The following ROBO1 variants were observed in gnomAD, a reference collection of about 807,000 sequenced individuals.
The protein encoded by ROBO1 is roundabout homolog 1.
Under a neutral mutation model 195.9 loss-of-function variants are expected in ROBO1, and 149 were observed. The ratio of observed to expected loss-of-function variants is 0.76; its 90% CI spans 0.67 to 0.87. The LOEUF is 0.87. Among genes scored for constraint, ROBO1 ranks in the 40% least tolerant of loss-of-function variants. ROBO1 has a pLI of 0.00. For missense variants in ROBO1, 1,933 were observed against 2,068.3 expected (o/e 0.93, Z 1.27); for synonymous variants, 816 against 733.2 (o/e 1.11, Z -1.82).
In ROBO1 at chr3:79,359,302, GA is replaced by G. The variant is rs796388707; in HGVS notation, c.88+230521del. Reference sequence around the variant, plus strand: ...ACCTCACTCTTATAATTTATAAAGTGAAAAAAAAAGCCTTTCTACTTTCTTT... The same window carrying G: ...ACCTCACTCTTATAATTTATAAAGTGAAAAAAAAGCCTTTCTACTTTCTTT... On this transcript the variant is annotated intron_variant, in intron 2 of 30. Transcript: ENST00000464233. Among the ~76,000 whole-genome samples, 379 of 148,332 alleles carry G rather than the reference GA, an allele frequency of 2.6e-3. 2 individuals carry two copies. The highest frequency in any genetic ancestry group is 7.8e-3 in the African/African-American group (316 of 40,540).
intron 3 of ROBO1, among the ~76,000 whole-genome samples, chr3:78,940,979 T>G (rs910896156): frequency 6.6e-6 from 1 of 152,158 alleles, no homozygotes; most frequent in African/African-American, 2.4e-5. Flanking sequence ...AAATATGTTA[T>G]TTTTCAAAGT....
intron 3 of ROBO1, among the ~76,000 whole-genome samples, chr3:78,962,641 C>T (rs1238030486): frequency 2.0e-5 from 3 of 151,638 alleles, no homozygotes; most frequent in Non-Finnish European, 4.4e-5. Flanking sequence ...CTGGCTAACA[C>T]GGTGAAACCC....
intron 3 of ROBO1, among the ~76,000 whole-genome samples, chr3:78,972,416 T>C (rs1158899094): frequency 6.6e-6 from 1 of 152,190 alleles, no homozygotes. Context: ...GCTCTAGAAT[T>C]TTTCATTTTG....
intron 26 of ROBO1, among the ~76,000 whole-genome samples, chr3:78,619,982 C>T (rs923312904): frequency 2.0e-5 from 3 of 148,220 alleles, no homozygotes; most frequent in African/African-American, 7.5e-5. Flanking sequence ...CAAACCATTG[C>T]ACTCTAGCCT....
At chr3:78,696,125 G>GAA (rs34340807) in intron 8 of ROBO1, among the ~76,000 whole-genome samples, 3 of 108,704 alleles carry the variant, frequency 2.8e-5, no homozygotes, top group Non-Finnish European at 6.0e-5. Flanking sequence ...GAAAGAATCA[G>GAA]AAAAAAAAAA....
chr3:79,039,661 G>A (rs2078445882), intron 3 of ROBO1, among the ~76,000 whole-genome samples: 2 of 151,900 alleles, frequency 1.3e-5, no homozygotes, highest in Admixed American at 1.3e-4. Context: ...TGGACATGGT[G>A]GCACATGCCT....
intron 1 of ROBO1, among the ~76,000 whole-genome samples, chr3:79,755,338 C>A (rs1217779404): frequency 2.0e-5 from 3 of 152,010 alleles, no homozygotes; most frequent in African/African-American, 7.3e-5. Flanking sequence ...AATTTAATTC[C>A]ATGGAAACCC....
chr3:79,342,910 G>T (rs1490556953), intron 2 of ROBO1, among the ~76,000 whole-genome samples: 1 of 152,064 alleles, frequency 6.6e-6, no homozygotes, highest in African/African-American at 2.4e-5. Context: ...CACATGCTAT[G>T]GGTTTGAATA....
intron 2 of ROBO1, among the ~76,000 whole-genome samples, chr3:79,408,630 C>T (rs1256747052): frequency 6.6e-6 from 1 of 152,034 alleles, no homozygotes; most frequent in Non-Finnish European, 1.5e-5. Flanking sequence ...TTGAATCATA[C>T]TACATATAAA....
intron 4 of ROBO1, among the ~76,000 whole-genome samples, chr3:78,911,854 T>C (rs959901716): frequency 7.2e-5 from 11 of 152,094 alleles, no homozygotes; most frequent in Non-Finnish European, 1.6e-4. Context: ...GGCAAAACTA[T>C]TAAACACCAC....
At chr3:79,560,291 C>T (rs866639648) in intron 2 of ROBO1, among the ~76,000 whole-genome samples, 43 of 145,300 alleles carry the variant, frequency 3.0e-4, no homozygotes, top group Middle Eastern at 3.6e-3. Context: ...GGACAAAAAA[C>T]CAAACACCGC....
chr3:79,006,635 A>G (rs11708079), intron 3 of ROBO1, among the ~76,000 whole-genome samples: 21,704 of 151,620 alleles, frequency 0.14, 1,667 homozygotes, highest in East Asian at 0.2. Flanking sequence ...GTATGTCTAC[A>G]TTGAGGCTGT....
intron 4 of ROBO1, among the ~76,000 whole-genome samples, chr3:78,823,410 A>C (rs919759400): frequency 6.6e-6 from 1 of 152,206 alleles, no homozygotes; most frequent in Non-Finnish European, 1.5e-5. Flanking sequence ...TCTAATAACA[A>C]GTCTCAGATC....
chr3:78,953,334 A>G (rs1183557266), intron 3 of ROBO1, among the ~76,000 whole-genome samples: 2 of 151,578 alleles, frequency 1.3e-5, no homozygotes, highest in African/African-American at 4.9e-5. Flanking sequence ...TAACATGCAA[A>G]CTGAAGAATT....
rs778615818 is a variant in ROBO1, at chr3:78,617,685, G to A, written c.4232C>T (p.Ala1411Val). The A allele has an allele frequency of 1.9e-6, 3 of 1,613,956 alleles. No homozygotes were observed. Among genetic ancestry groups the A allele is most frequent in the East Asian group, 4.5e-5 (2 of 44,868 alleles). ...ADFAQAVAAA[A>V]EYAGLKVARR... The stretch of plus-strand genomic sequence containing the variant: ...TGCTACTTTCAGACCAGCATACTCT[G>A]CCGCTGCTGCGACTGCCTGGGCAAA... Residue 1411 changes from alanine (A) to valine (V), a missense_variant, in exon 27 of 31, where the codon GCA (alanine) becomes GTA (valine). By Grantham distance (64) the Ala-to-Val change is moderately conservative. Coordinates refer to ENST00000464233, the MANE Select transcript of ROBO1 (RefSeq NM_002941.4).
At chr3:79,054,866 A>C (rs2078773480) in intron 3 of ROBO1, among the ~76,000 whole-genome samples, 1 of 152,126 alleles carries the variant, frequency 6.6e-6, no homozygotes, top group African/African-American at 2.4e-5. Context: ...ACTCAGACCA[A>C]CATTGCGTTT....
chr3:79,210,258 A>T (rs919948477), intron 2 of ROBO1, among the ~76,000 whole-genome samples: 1 of 152,188 alleles, frequency 6.6e-6, no homozygotes, highest in African/African-American at 2.4e-5. Flanking sequence ...ATATTACCTG[A>T]CTTCAAATTA....
intron 2 of ROBO1, among the ~76,000 whole-genome samples, chr3:79,246,674 AT>A (rs2082629872): frequency 6.6e-6 from 1 of 151,994 alleles, no homozygotes; most frequent in South Asian, 2.1e-4. Context: ...TATTGCTTAT[AT>A]TGTTTTGGCC....
At chr3:79,644,202 T>C (rs1009064927) in intron 1 of ROBO1, among the ~76,000 whole-genome samples, 3 of 152,076 alleles carry the variant, frequency 2.0e-5, no homozygotes, top group African/African-American at 7.2e-5. Flanking sequence ...TTTCCAAGTA[T>C]ATAAAGCAAA....
Sources: gnomAD v4.1 joint callset for allele counts (sites outside exome capture counted in the v4.1 genomes callset) on GRCh38, gnomAD v4.1.1 for gene constraint, MANE v1.5 for transcripts, NCBI Gene and HGNC (gene_info 2026-07-23, HGNC 2026-07-21) for gene names.